CRKL: variants seen among roughly 807,000 people sequenced by gnomAD.
CRKL encodes the protein CRK like proto-oncogene, adaptor protein.
A neutral mutation model predicts 23.0 loss-of-function variants in CRKL; 3 were observed. The observed-to-expected ratio is 0.13, with a 90% CI of 0.06 to 0.34. CRKL has a LOEUF of 0.34. CRKL is among the 10% of genes least tolerant of loss of function. CRKL has a pLI of 1.00. For synonymous variants in CRKL, 188 were observed against 160.7 expected (o/e 1.17, Z -1.28); for missense variants, 256 against 394.5 (o/e 0.65, Z 2.97).
At chr22:20,934,369 A>C in intron 2 of CRKL, 125 bp downstream of exon 2, 1 of 854,490 alleles carries the variant, frequency 1.2e-6, no homozygotes, top group Non-Finnish European at 1.8e-6. Context: ...ATTTTGGAAG[A>C]TACGCACTGT....
At chr22:20,941,119 G>T (rs1921853771) in intron 2 of CRKL, among the ~76,000 whole-genome samples, 1 of 152,034 alleles carries the variant, frequency 6.6e-6, no homozygotes, top group Non-Finnish European at 1.5e-5. Context: ...CAGGCTCCCA[G>T]TGTAATGGGG....
chr22:20,946,782 G>A (rs138996418), intron 2 of CRKL, among the ~76,000 whole-genome samples: 2 of 151,652 alleles, frequency 1.3e-5, no homozygotes, highest in South Asian at 2.1e-4. Flanking sequence ...AGCTGGATCC[G>A]TGTACCATGA....
At chr22:20,946,390 G>A (rs1922054222) in intron 2 of CRKL, among the ~76,000 whole-genome samples, 1 of 152,130 alleles carries the variant, frequency 6.6e-6, no homozygotes, top group African/African-American at 2.4e-5. Flanking sequence ...GCTGACTAGT[G>A]TCCCTGGCAT....
Position 20,918,222 on chromosome 22 carries a change from C to A in CRKL, c.288C>A (p.Thr96=), listed in dbSNP as rs772265051. The A allele has an allele frequency of 6.2e-7, 1 of 1,613,896 alleles. No individual in the cohort carries two copies. The highest frequency in any genetic ancestry group is 1.1e-5 in the South Asian group (1 of 91,088). ...EFYKIHYLDT[T]TLIEPAPRYP... is the part of the protein sequence containing the mutation. ...ACAAGATCCACTACCTGGACACCAC[C>A]ACCCTCATCGAGCCTGCGCCCAGGT... is the stretch of plus-strand genomic sequence containing the variant. The change falls in exon 1 of 3, where the codon ACC becomes ACA. Residue 96 remains threonine (T), a synonymous_variant. Transcript: ENST00000354336.
At chr22:20,930,235 G>A (rs1397642293) in intron 1 of CRKL, among the ~76,000 whole-genome samples, 4 of 152,152 alleles carry the variant, frequency 2.6e-5, no homozygotes, top group Non-Finnish European at 5.9e-5. Context: ...GAATTTAGAT[G>A]GGGGATCAGC....
intron 2 of CRKL, among the ~76,000 whole-genome samples, chr22:20,936,257 CCAAA>C (rs1257835952): frequency 2.6e-5 from 4 of 152,198 alleles, no homozygotes; most frequent in Non-Finnish European, 5.9e-5. Context: ...TCCTGACTCA[CCAAA>C]CAGCCTGCCC....
In CRKL at chr22:20,934,712, A is replaced by G. The variant is rs998343009; in HGVS notation, c.777+468A>G. On this transcript the variant is annotated intron_variant, in intron 2 of 2. Transcript: ENST00000354336. ...GGAAGACCCATGACCTAGAGGCAAA[A>G]TCAACATATATGGTTCTGTATTTCT... Among the ~76,000 whole-genome samples, 3 of 152,256 alleles carry G rather than the reference A, an allele frequency of 2.0e-5. No individual in the cohort carries two copies. The South Asian group carries it at 6.2e-4, about 32-fold the overall frequency.
intron 1 of CRKL, among the ~76,000 whole-genome samples, chr22:20,929,094 G>C (rs1921342697): frequency 6.6e-6 from 1 of 152,110 alleles, no homozygotes; most frequent in South Asian, 2.1e-4. Flanking sequence ...TGGACAATAG[G>C]CAAAAAGTGA....
chr22:20,924,737 G>T (rs1472137312), intron 1 of CRKL, among the ~76,000 whole-genome samples: 1 of 152,076 alleles, frequency 6.6e-6, no homozygotes, highest in African/African-American at 2.4e-5. Flanking sequence ...TGCCTAAGAG[G>T]CTAAAGGCAG....
chr22:20,922,352 A>G (rs1416885953), intron 1 of CRKL, among the ~76,000 whole-genome samples: 1 of 151,834 alleles, frequency 6.6e-6, no homozygotes, highest in East Asian at 1.9e-4. Context: ...AGAAAGGGGG[A>G]CATATAAAAT....
chr22:20,924,729 C>A (rs1382319474), intron 1 of CRKL, among the ~76,000 whole-genome samples: 1 of 152,056 alleles, frequency 6.6e-6, no homozygotes, highest in African/African-American at 2.4e-5. Flanking sequence ...GCGGCGTGTG[C>A]CTAAGAGGCT....
At chr22:20,932,106 G>T (rs189209736) in intron 1 of CRKL, among the ~76,000 whole-genome samples, 1 of 150,442 alleles carries the variant, frequency 6.6e-6, no homozygotes. Context: ...CCACTGCGCC[G>T]GCCTCTTATT....
At position 20,918,027 on chromosome 22, in the gene CRKL, G is replaced by A. The variant is rs779013932; in HGVS notation, c.93G>A (p.Gln31=). The A allele has an allele frequency of 6.2e-7, 1 of 1,614,246 alleles. No individual in the cohort carries two copies. Among genetic ancestry groups the A allele is most frequent in the Non-Finnish European group, 8.5e-7 (1 of 1,180,044 alleles). The change falls in exon 1 of 3, where the codon CAG becomes CAA. Residue 31 remains glutamine, a synonymous_variant. Coordinates refer to ENST00000354336, the MANE Select transcript of CRKL (RefSeq NM_005207.4). The stretch of plus-strand genomic sequence containing the variant: ...AGGCGCAGACCCGGCTCCAGGGCCA[G>A]CGCCACGGTATGTTCCTCGTCCGCG... ...RQEAQTRLQG[Q]RHGMFLVRDS...
At chr22:20,918,297 C>G (rs1162304990) in intron 1 of CRKL, 52 bp downstream of exon 1, 7 of 1,582,232 alleles carry the variant, frequency 4.4e-6, no homozygotes, top group South Asian at 3.4e-5. Flanking sequence ...CCGGGTCTGT[C>G]GAAGAGTGCT....
In CRKL at chr22:20,950,706, G is replaced by C. The variant is rs952723146; in HGVS notation, c.*861G>C. 9.1e-6 allele frequency: 2 copies of C among 220,908 alleles called. No individual in the cohort carries two copies. Among genetic ancestry groups the C allele is most frequent in the African/African-American group, 4.5e-5 (2 of 44,578 alleles). The allele number at this position is 220,908 out of a possible 1,614,324, so 13.7% of individuals were successfully genotyped here. A position where few individuals can be genotyped will look rare whatever the true frequency, so the allele number is the denominator to read the frequency against. On this transcript the variant is annotated 3_prime_UTR_variant, in exon 3 of 3. Coordinates refer to ENST00000354336, the MANE Select transcript of CRKL (RefSeq NM_005207.4). ...TGGGATTACAGCCGTGAGCCGCCGC[G>C]CCTGGCCTAGACTTGTGTGTTCTAA...
Position 20,934,251 on chromosome 22 carries a change from TC to T in CRKL, c.777+8del. The T allele has an allele frequency of 6.2e-7, 1 of 1,605,518 alleles. No individual in the cohort carries two copies. Among genetic ancestry groups the T allele is most frequent in the Non-Finnish European group, 8.5e-7 (1 of 1,174,228 alleles). On this transcript the variant is annotated splice_region_variant and intron_variant, in intron 2 of 2. Coordinates refer to ENST00000354336, the MANE Select transcript of CRKL (RefSeq NM_005207.4). The stretch of plus-strand genomic sequence containing the variant: ...GACTGCCTTGGCATTAGAGGTAAAA[TC>T]TGTTCAGATTAGCTTTTTGGGTCCT...
intron 2 of CRKL, among the ~76,000 whole-genome samples, chr22:20,939,159 A>T (rs1185123465): frequency 6.6e-6 from 1 of 151,768 alleles, no homozygotes; most frequent in Non-Finnish European, 1.5e-5. Flanking sequence ...ATTATGTGAC[A>T]GGCTAGGAAC....
rs150480292 is a variant in CRKL, at chr22:20,950,568, A to G, written c.*723A>G. ...AGCTGGGACTGCAGGCGCGCACACC[A>G]CGCCCAGCTAATTTTTGTATTTTTA... On this transcript the variant is annotated 3_prime_UTR_variant, in exon 3 of 3. Coordinates refer to ENST00000354336, the MANE Select transcript of CRKL (RefSeq NM_005207.4). The G allele has an allele frequency of 1.4e-4, 30 of 221,094 alleles. No homozygotes were observed. In the East Asian group the frequency reaches 1.6e-3, roughly 12 times the overall value. 13.7% of individuals were successfully genotyped at this position (221,094 alleles called of 1,614,324 possible).
chr22:20,919,877 A>G lies in CRKL; in HGVS notation c.311+1632A>G, dbSNP rs1920972505. 2.6e-5 allele frequency among the ~76,000 whole-genome samples: 4 copies of G among 152,286 alleles called. No individual in the cohort carries two copies. The South Asian group carries it at 8.3e-4, about 32-fold the overall frequency. ...GCCATGACAGTATAATGACTACAAG[A>G]TTAACTACTGAACTAAATGGACTTT... On this transcript the variant is annotated intron_variant, in intron 1 of 2. Coordinates refer to ENST00000354336, the MANE Select transcript of CRKL (RefSeq NM_005207.4).
Sources: gnomAD v4.1 joint callset for allele counts (sites outside exome capture counted in the v4.1 genomes callset) on GRCh38, gnomAD v4.1.1 for gene constraint, MANE v1.5 for transcripts, NCBI Gene and HGNC (gene_info 2026-07-23, HGNC 2026-07-21) for gene names.